NTRK2: variants seen among roughly 807,000 people sequenced by gnomAD.
The protein encoded by NTRK2 is BDNF/NT-3 growth factors receptor.
A neutral mutation model predicts 94.5 loss-of-function variants in NTRK2; 13 were observed. The ratio of observed to expected loss-of-function variants is 0.14; its 90% CI spans 0.09 to 0.22. The LOEUF is 0.22. Ranked by LOEUF, NTRK2 falls within the 10% of genes least tolerant of loss-of-function variation. NTRK2 has a pLI of 1.00. For synonymous variants in NTRK2, 372 were observed against 407.4 expected, an observed-to-expected ratio of 0.91 and a Z score of 1.05; for missense variants, 639 against 1,071.2, an observed-to-expected ratio of 0.60 and a Z score of 5.63.
At chr9:84,939,051 C>CAAA (rs138558531) in intron 15 of NTRK2, among the ~76,000 whole-genome samples, 7,799 of 68,380 alleles carry the variant, frequency 0.11, 455 homozygotes, top group East Asian at 0.2. Flanking sequence ...GACCCCAACT[C>CAAA]AAAAAAAAAA....
intron 2 of NTRK2, among the ~76,000 whole-genome samples, chr9:84,701,637 A>G (rs1342318429): frequency 6.6e-6 from 1 of 152,208 alleles, no homozygotes; most frequent in Non-Finnish European, 1.5e-5. Flanking sequence ...CAAAGGCAGA[A>G]GGAGGAGATG....
intron 12 of NTRK2, among the ~76,000 whole-genome samples, chr9:84,761,456 A>G (rs2065557839): frequency 6.6e-6 from 1 of 152,154 alleles, no homozygotes; most frequent in South Asian, 2.1e-4. Context: ...TTGCCTGTAA[A>G]TGAAAATTGC....
At chr9:84,751,872 G>T in intron 11 of NTRK2, 114 bp from the exon 12 acceptor site, 1 of 816,382 alleles carries the variant, frequency 1.2e-6, no homozygotes, top group Non-Finnish European at 2.1e-6. Flanking sequence ...CAAGTGGTAA[G>T]CATTCAATAA....
intron 17 of NTRK2, among the ~76,000 whole-genome samples, chr9:84,966,032 C>A (rs748481198): frequency 6.6e-6 from 1 of 152,168 alleles, no homozygotes; most frequent in Non-Finnish European, 1.5e-5. Context: ...TGTTGATCAT[C>A]CTATTGGTGA....
chr9:84,876,345 A>G (rs1310229800), intron 14 of NTRK2: 3 of 1,051,292 alleles, frequency 2.9e-6, no homozygotes. Context: ...TGGCACCACT[A>G]AGCAGCCACC....
chr9:84,696,367 A>G (rs2060375749), intron 2 of NTRK2, among the ~76,000 whole-genome samples: 1 of 152,226 alleles, frequency 6.6e-6, no homozygotes, highest in Admixed American at 6.5e-5. Flanking sequence ...TGTTCTTGTA[A>G]TCTAAATTAG....
intron 5 of NTRK2, among the ~76,000 whole-genome samples, chr9:84,709,277 T>C (rs2061289091): frequency 6.6e-6 from 1 of 152,206 alleles, no homozygotes; most frequent in African/African-American, 2.4e-5. Flanking sequence ...CATATGAACA[T>C]TGCTGTATTC....
intron 14 of NTRK2, among the ~76,000 whole-genome samples, chr9:84,908,540 T>G (rs1206859277): frequency 6.6e-6 from 1 of 152,234 alleles, no homozygotes; most frequent in African/African-American, 2.4e-5. Flanking sequence ...TTTCTCTCAT[T>G]TGCAGCAAGC....
intron 14 of NTRK2, among the ~76,000 whole-genome samples, chr9:84,878,631 T>TAAA (rs35468448): frequency 2.9e-5 from 4 of 135,618 alleles, no homozygotes; most frequent in Admixed American, 7.4e-5. Context: ...AGACTATGTC[T>TAAA]AAAAAAAAAA....
chr9:84,678,624 T>C (rs1160635268), intron 2 of NTRK2, among the ~76,000 whole-genome samples: 1 of 152,182 alleles, frequency 6.6e-6, no homozygotes, highest in African/African-American at 2.4e-5. Flanking sequence ...GATGCATGTG[T>C]AGGGGTGGAG....
At chr9:84,929,655 G>A (rs1197439832) in intron 14 of NTRK2, among the ~76,000 whole-genome samples, 4 of 151,614 alleles carry the variant, frequency 2.6e-5, no homozygotes, top group Non-Finnish European at 5.9e-5. Context: ...TCTGCCTCCC[G>A]GATTCAAACA....
chr9:84,675,013 A>G (rs1424394574), intron 2 of NTRK2, among the ~76,000 whole-genome samples: 1 of 152,256 alleles, frequency 6.6e-6, no homozygotes, highest in East Asian at 1.9e-4. Context: ...TGTTATTACA[A>G]GCAAGTATTG....
intron 15 of NTRK2, among the ~76,000 whole-genome samples, chr9:84,937,948 C>T (rs868002690): frequency 1.3e-5 from 2 of 152,102 alleles, no homozygotes; most frequent in Admixed American, 6.6e-5. Flanking sequence ...CATGGTCTCT[C>T]CTCCCCTCCC....
At chr9:84,692,539 T>G (rs1431337776) in intron 2 of NTRK2, among the ~76,000 whole-genome samples, 1 of 149,606 alleles carries the variant, frequency 6.7e-6, no homozygotes, top group Non-Finnish European at 1.5e-5. Flanking sequence ...GGCGCGATTT[T>G]GGCTCACTGT....
chr9:84,679,602 C>T (rs1010447974), intron 2 of NTRK2, among the ~76,000 whole-genome samples: 1 of 152,186 alleles, frequency 6.6e-6, no homozygotes, highest in Non-Finnish European at 1.5e-5. Flanking sequence ...ACCAGCCTGA[C>T]TGATTTCATC....
intron 17 of NTRK2, among the ~76,000 whole-genome samples, chr9:85,006,169 T>C (rs1044811682): frequency 3.3e-5 from 5 of 152,362 alleles, no homozygotes; most frequent in Middle Eastern, 3.4e-3. Context: ...AAAAATACTA[T>C]AATAGCTTTT....
intron 14 of NTRK2, among the ~76,000 whole-genome samples, chr9:84,880,761 C>T (rs2076231097): frequency 6.6e-6 from 1 of 152,194 alleles, no homozygotes; most frequent in Admixed American, 6.5e-5. Context: ...TCATACAGCA[C>T]TTCTTTACTG....
chr9:84,898,649 G>T (rs2076833350), intron 14 of NTRK2, among the ~76,000 whole-genome samples: 1 of 152,000 alleles, frequency 6.6e-6, no homozygotes, highest in Non-Finnish European at 1.5e-5. Context: ...GAGGGGCTAA[G>T]CTGAACCTTG....
In NTRK2 at chr9:84,871,235, C is replaced by T. The variant is rs140958961; in HGVS notation, c.1633+3804C>T. Reference sequence around the variant, plus strand: ...CGATCAGGCACGTCAATGCAAGAAACAGGCTGAAGGAAAAATGATATGGGC... The same window carrying T: ...CGATCAGGCACGTCAATGCAAGAAATAGGCTGAAGGAAAAATGATATGGGC... On this transcript the variant is annotated intron_variant, in intron 14 of 18. Transcript: ENST00000277120. 1.5e-3 allele frequency among the ~76,000 whole-genome samples: 235 copies of T among 152,262 alleles called. 2 individuals are homozygous for T. Among genetic ancestry groups the T allele is most frequent in the African/African-American group, 5.3e-3 (221 of 41,554 alleles).
Sources: gnomAD v4.1 joint callset for allele counts (sites outside exome capture counted in the v4.1 genomes callset) on GRCh38, gnomAD v4.1.1 for gene constraint, MANE v1.5 for transcripts, NCBI Gene and HGNC (gene_info 2026-07-23, HGNC 2026-07-21) for gene names.